Variants in PSMB7 observed in about 807,000 individuals in gnomAD.
The protein encoded by PSMB7 is proteasome subunit beta type-7.
A neutral mutation model predicts 28.1 loss-of-function variants in PSMB7; 5 were observed. The ratio of observed to expected loss-of-function variants is 0.18; its 90% CI spans 0.09 to 0.37. The LOEUF (loss-of-function observed/expected upper bound fraction) is 0.37. PSMB7 is among the 10% of genes least tolerant of loss of function. The probability of loss-of-function intolerance (pLI) is 1.00; values close to 1 mark genes in which losing one functional copy is unlikely to be tolerated. For synonymous variants in PSMB7, 122 were observed against 123.7 expected, an observed-to-expected ratio of 0.99 and a Z score of 0.09; for missense variants, 275 against 346.2, an observed-to-expected ratio of 0.79 and a Z score of 1.63.
intron 3 of PSMB7, among the ~76,000 whole-genome samples, chr9:124,413,471 A>C (rs1308896676): frequency 6.6e-6 from 1 of 152,176 alleles, no homozygotes; most frequent in Non-Finnish European, 1.5e-5. Context: ...CTTTTTAAGA[A>C]AGGGATGCCA....
chr9:124,361,391 G>A (rs1050249595), intron 6 of PSMB7, among the ~76,000 whole-genome samples: 8 of 152,158 alleles, frequency 5.3e-5, no homozygotes, highest in Non-Finnish European at 7.3e-5. Context: ...CGTCGGCCAC[G>A]TAATGGTCAC....
chr9:124,387,173 G>C (rs1830731921), intron 5 of PSMB7, among the ~76,000 whole-genome samples: 1 of 152,168 alleles, frequency 6.6e-6, no homozygotes, highest in South Asian at 2.1e-4. Context: ...ATGAACCCGG[G>C]AGGCAGAGTT....
intron 5 of PSMB7, among the ~76,000 whole-genome samples, chr9:124,397,524 C>G (rs1830854920): frequency 6.6e-6 from 1 of 152,196 alleles, no homozygotes; most frequent in Non-Finnish European, 1.5e-5. Flanking sequence ...CCTTCAGGCG[C>G]CTGGCTAGTA....
chr9:124,363,586 C>T (rs146665812), intron 6 of PSMB7, among the ~76,000 whole-genome samples: 100 of 152,226 alleles, frequency 6.6e-4, no homozygotes, highest in African/African-American at 2.2e-3. Flanking sequence ...TGTGTGAACA[C>T]CTAGGAATTC....
chr9:124,366,230 T>C (rs914015253), intron 6 of PSMB7, among the ~76,000 whole-genome samples: 2 of 152,162 alleles, frequency 1.3e-5, no homozygotes, highest in African/African-American at 4.8e-5. Flanking sequence ...CTGGCCAACA[T>C]GGTGAAACCC....
At chr9:124,369,940 G>A (rs899173243) in intron 6 of PSMB7, among the ~76,000 whole-genome samples, 4 of 152,172 alleles carry the variant, frequency 2.6e-5, no homozygotes, top group South Asian at 2.1e-4. Flanking sequence ...GTCCCTGCTT[G>A]TGGGCCTGTG....
At chr9:124,372,311 G>A (rs1830571286) in intron 6 of PSMB7, among the ~76,000 whole-genome samples, 1 of 152,174 alleles carries the variant, frequency 6.6e-6, no homozygotes. Flanking sequence ...GAAATTGGGT[G>A]TTTACACAGC....
At chr9:124,380,706 AC>A (rs1830655062) in intron 6 of PSMB7, among the ~76,000 whole-genome samples, 1 of 152,230 alleles carries the variant, frequency 6.6e-6, no homozygotes, top group African/African-American at 2.4e-5. Flanking sequence ...GGTAAAGGAA[AC>A]GTTCTCTATC....
intron 5 of PSMB7, chr9:124,396,719 A>G (rs1236773012): frequency 2.2e-6 from 1 of 456,044 alleles, no homozygotes; most frequent in African/African-American, 2.0e-5. Context: ...CTCTATGTGG[A>G]TAAGCAGGCA....
intron 6 of PSMB7, chr9:124,384,328 C>T (rs1410187459): frequency 5.1e-6 from 2 of 388,782 alleles, no homozygotes; most frequent in South Asian, 1.1e-4. Context: ...ACGTTACCAC[C>T]GCATTTACAG....
chr9:124,402,229 A>T (rs543238612), intron 5 of PSMB7, among the ~76,000 whole-genome samples: 1 of 152,308 alleles, frequency 6.6e-6, no homozygotes, highest in South Asian at 2.1e-4. Context: ...CCGGAACTCA[A>T]ATGAGACTTG....
At chr9:124,366,422 T>C (rs1466011856) in intron 6 of PSMB7, among the ~76,000 whole-genome samples, 1 of 152,226 alleles carries the variant, frequency 6.6e-6, no homozygotes, top group Non-Finnish European at 1.5e-5. Flanking sequence ...CAAAAGAGCT[T>C]ATAGACTAAG....
intron 4 of PSMB7, among the ~76,000 whole-genome samples, chr9:124,407,269 A>G (rs983894441): frequency 6.6e-6 from 1 of 152,264 alleles, no homozygotes; most frequent in Non-Finnish European, 1.5e-5. Context: ...TAAACAGAAC[A>G]GTGGTCCAAT....
intron 4 of PSMB7, among the ~76,000 whole-genome samples, chr9:124,407,808 G>A (rs1830982720): frequency 6.6e-6 from 1 of 152,102 alleles, no homozygotes; most frequent in African/African-American, 2.4e-5. Context: ...AGGGAGAAAT[G>A]GCTAAACTGA....
intron 3 of PSMB7, 133 bp from the exon 4 acceptor site, chr9:124,412,625 T>C: frequency 4.6e-6 from 4 of 865,920 alleles, no homozygotes; most frequent in Non-Finnish European, 6.8e-6. Flanking sequence ...TGCTGTAACT[T>C]CTCTGTTTAG....
At chr9:124,382,222 TTTTG>T (rs1432563634) in intron 6 of PSMB7, among the ~76,000 whole-genome samples, 4 of 117,664 alleles carry the variant, frequency 3.4e-5, no homozygotes, top group African/African-American at 6.0e-5. Flanking sequence ...TTTTTTTTTT[TTTTG>T]AGACAAAGTC....
At chr9:124,383,819 A>G (rs1254331081) in intron 6 of PSMB7, 1 of 152,222 alleles carries the variant, frequency 6.6e-6, no homozygotes, top group Non-Finnish European at 1.5e-5. Context: ...ACAACCATCA[A>G]AAAAGCTTAT....
chr9:124,369,736 C>T (rs1452030453), intron 6 of PSMB7, among the ~76,000 whole-genome samples: 1 of 152,144 alleles, frequency 6.6e-6, no homozygotes, highest in Non-Finnish European at 1.5e-5. Context: ...ACATTCCTGT[C>T]CGGAATGGTC....
chr9:124,372,776 C>CA (rs976812213), intron 6 of PSMB7, among the ~76,000 whole-genome samples: 3 of 152,194 alleles, frequency 2.0e-5, no homozygotes, highest in African/African-American at 7.2e-5. Context: ...GAGGAAGACA[C>CA]AGACTTGAAC....
Sources: allele counts gnomAD v4.1 joint callset (sites outside exome capture counted in the v4.1 genomes callset), GRCh38; gene constraint gnomAD v4.1.1; transcripts MANE v1.5; gene names NCBI Gene and HGNC (gene_info 2026-07-23, HGNC 2026-07-21).